DMD: variants seen among roughly 807,000 people sequenced by gnomAD.
The protein encoded by DMD is mutant dystrophin.
Under a neutral mutation model 330.1 loss-of-function variants are expected in DMD, and 63 were observed. The ratio of observed to expected loss-of-function variants is 0.19; its 90% CI spans 0.16 to 0.24. DMD has a LOEUF of 0.24. Among genes scored for constraint, DMD ranks in the 10% least tolerant of loss-of-function variants. The probability of loss-of-function intolerance (pLI) is 1.00; values close to 1 mark genes in which losing one functional copy is unlikely to be tolerated. For synonymous variants in DMD, 1,223 were observed against 959.8 expected (o/e 1.27, Z -5.07); for missense variants, 3,344 against 2,684.1 (o/e 1.25, Z -5.43).
chrX:32,595,362 A>C (rs974392515), intron 13 of DMD, among the ~76,000 whole-genome samples: 3 of 111,907 alleles, frequency 2.7e-5, no homozygotes, highest in Admixed American at 9.5e-5. Flanking sequence ...ATTATATTGA[A>C]AAGCTATTCA....
intron 1 of DMD, among the ~76,000 whole-genome samples, chrX:33,236,255 C>A (rs747522971): frequency 9.9e-6 from 1 of 101,299 alleles, no homozygotes; most frequent in African/African-American, 3.6e-5. Context: ...TATTTGGCTT[C>A]TCCTTCCTTT....
chrX:31,756,032 G>C (rs748957762), intron 51 of DMD, among the ~76,000 whole-genome samples: 1 of 111,394 alleles, frequency 9.0e-6, no homozygotes, highest in Non-Finnish European at 1.9e-5. Context: ...GACACAGAGA[G>C]AGAGCGAGAG....
chrX:31,231,982 C>T (rs937138318), intron 63 of DMD, among the ~76,000 whole-genome samples: 11 of 107,427 alleles, frequency 1.0e-4, no homozygotes, highest in South Asian at 8.6e-4. Flanking sequence ...AACATAGGTC[C>T]GAGAGGCTTC....
chrX:32,191,089 C>A (rs951690511), intron 44 of DMD, among the ~76,000 whole-genome samples: 27 of 111,158 alleles, frequency 2.4e-4, no homozygotes, highest in African/African-American at 8.8e-4. Context: ...GATCAGGTAT[C>A]ATAAGTGCTA....
At chrX:31,327,236 A>G (rs1029270326) in intron 61 of DMD, among the ~76,000 whole-genome samples, 2 of 111,961 alleles carry the variant, frequency 1.8e-5, no homozygotes, top group Non-Finnish European at 3.8e-5. Context: ...TGCAAAACCA[A>G]CCTCTGAATT....
chrX:33,014,920 T>G (rs2147700164), intron 2 of DMD, among the ~76,000 whole-genome samples: 1 of 112,104 alleles, frequency 8.9e-6, no homozygotes, highest in Non-Finnish European at 1.9e-5. Flanking sequence ...ATTTCAATTT[T>G]ATATTCACCT....
At chrX:32,726,840 G>C (rs2066942368) in intron 7 of DMD, among the ~76,000 whole-genome samples, 1 of 110,173 alleles carries the variant, frequency 9.1e-6, no homozygotes, top group African/African-American at 3.3e-5. Context: ...TAAGATGATG[G>C]ATTCAGATAT....
intron 44 of DMD, among the ~76,000 whole-genome samples, chrX:32,178,939 ATT>A (rs1491208727): frequency 6.4e-5 from 3 of 47,240 alleles, no homozygotes; most frequent in East Asian, 6.3e-4. Context: ...GAAACCCCAG[ATT>A]CTCTCTCTCT....
intron 1 of DMD, among the ~76,000 whole-genome samples, chrX:33,284,912 C>T (rs1378193646): frequency 1.9e-5 from 2 of 107,343 alleles, no homozygotes; most frequent in Non-Finnish European, 3.9e-5. Flanking sequence ...TTAATGACTA[C>T]ATAAATGACT....
At chrX:32,894,993 C>A (rs980016882) in intron 2 of DMD, among the ~76,000 whole-genome samples, 1 of 112,075 alleles carries the variant, frequency 8.9e-6, no homozygotes, top group Non-Finnish European at 1.9e-5. Context: ...AGTGTTCCAG[C>A]GTGTTCAAGT....
intron 50 of DMD, among the ~76,000 whole-genome samples, chrX:31,809,719 T>A (rs1381574199): frequency 9.1e-6 from 1 of 110,314 alleles, no homozygotes; most frequent in Non-Finnish European, 1.9e-5. Flanking sequence ...AGAATGAGGG[T>A]TTAAGGAGAT....
At chrX:31,216,970 C>A (rs762814493) in intron 64 of DMD, among the ~76,000 whole-genome samples, 52 of 111,881 alleles carry the variant, frequency 4.6e-4, no homozygotes, top group Admixed American at 9.5e-4. Context: ...TTATCAACTG[C>A]AGTATATTTA....
intron 59 of DMD, among the ~76,000 whole-genome samples, chrX:31,473,297 G>C (rs1420624867): frequency 9.2e-6 from 1 of 108,697 alleles, no homozygotes; most frequent in Non-Finnish European, 1.9e-5. Flanking sequence ...GAACCCAGGA[G>C]GCGGAGGTTG....
chrX:31,216,975 T>C (rs1237485778), intron 64 of DMD, among the ~76,000 whole-genome samples: 1 of 111,878 alleles, frequency 8.9e-6, no homozygotes, highest in Non-Finnish European at 1.9e-5. Flanking sequence ...AACTGCAGTA[T>C]ATTTAGCCCT....
chrX:32,837,596 C>A (rs1484252636), intron 4 of DMD, among the ~76,000 whole-genome samples: 1 of 111,583 alleles, frequency 9.0e-6, no homozygotes, highest in Non-Finnish European at 1.9e-5. Flanking sequence ...TAATCCTCCC[C>A]ACGTTTCTAT....
chrX:31,529,549 C>T lies in DMD; in HGVS notation c.8218-22096G>A, dbSNP rs137952449. On this transcript the variant is annotated intron_variant, in intron 55 of 78. Transcript: ENST00000357033. ...TAGCAGCAGAGGCAGCCTTTCTTCCCGCTCATTCTCTCCAAGTAACAAAAG... is the reference window on the plus strand; with the variant it reads ...TAGCAGCAGAGGCAGCCTTTCTTCCTGCTCATTCTCTCCAAGTAACAAAAG... 2.3e-4 allele frequency among the ~76,000 whole-genome samples: 26 copies of T among 111,333 alleles called. 2 individuals are homozygous for T. The highest frequency in any genetic ancestry group is 6.8e-4 in the African/African-American group (21 of 30,664).
chrX:31,180,517 T>C (rs1269300491), intron 68 of DMD, 36 bp from the exon 69 acceptor site: 1 of 925,003 alleles, frequency 1.1e-6, no homozygotes, highest in Admixed American at 2.2e-5. Flanking sequence ...TATGTATTTC[T>C]TCGAATCAAA....
At chrX:32,738,488 T>C (rs1332897971) in intron 7 of DMD, among the ~76,000 whole-genome samples, 1 of 111,607 alleles carries the variant, frequency 9.0e-6, no homozygotes, top group African/African-American at 3.3e-5. Context: ...AATAAAGCAA[T>C]TGTAAGGCTT....
intron 57 of DMD, among the ~76,000 whole-genome samples, chrX:31,483,126 A>C (rs753629035): frequency 2.0e-5 from 2 of 99,314 alleles, no homozygotes; most frequent in South Asian, 4.9e-4. Flanking sequence ...GGCTCACTGC[A>C]AGCTCCACCT....
Sources: gnomAD v4.1 joint callset for allele counts (sites outside exome capture counted in the v4.1 genomes callset) on GRCh38, gnomAD v4.1.1 for gene constraint, MANE v1.5 for transcripts, NCBI Gene and HGNC (gene_info 2026-07-23, HGNC 2026-07-21) for gene names.